Variants in CADPS2 observed in about 807,000 individuals in gnomAD.
CADPS2 encodes the protein calcium dependent secretion activator 2.
A neutral mutation model predicts 172.5 loss-of-function variants in CADPS2; 93 were observed. The ratio of observed to expected loss-of-function variants is 0.54; its 90% CI spans 0.46 to 0.64. CADPS2 has a LOEUF of 0.64. CADPS2 is among the 30% of genes least tolerant of loss of function. The pLI is 0.00. For missense variants in CADPS2, 1,420 were observed against 1,565.9 expected (o/e 0.91, Z 1.57); for synonymous variants, 546 against 555.2 (o/e 0.98, Z 0.23).
intron 8 of CADPS2, among the ~76,000 whole-genome samples, chr7:122,521,944 T>C (rs979986581): frequency 1.3e-5 from 2 of 152,116 alleles, no homozygotes; most frequent in African/African-American, 4.8e-5. Flanking sequence ...TAAGACAGTA[T>C]AAAACTATAC....
chr7:122,430,711 T>C (rs2049798037), intron 17 of CADPS2, among the ~76,000 whole-genome samples: 1 of 152,236 alleles, frequency 6.6e-6, no homozygotes, highest in Non-Finnish European at 1.5e-5. Context: ...AGCTGCTTTC[T>C]AGAAATGTCC....
intron 3 of CADPS2, among the ~76,000 whole-genome samples, chr7:122,656,353 C>A (rs1024548762): frequency 6.6e-6 from 1 of 152,118 alleles, no homozygotes; most frequent in African/African-American, 2.4e-5. Context: ...GAGGGAAACA[C>A]TGAAAACTTA....
At chr7:122,656,936 T>G (rs892283147) in intron 3 of CADPS2, among the ~76,000 whole-genome samples, 2 of 152,150 alleles carry the variant, frequency 1.3e-5, no homozygotes, top group Non-Finnish European at 2.9e-5. Context: ...GTTTTTATGG[T>G]TTTAGGTCTA....
At chr7:122,477,402 G>C (rs2056820195) in intron 12 of CADPS2, among the ~76,000 whole-genome samples, 1 of 152,036 alleles carries the variant, frequency 6.6e-6, no homozygotes, top group Non-Finnish European at 1.5e-5. Context: ...TGTAATCCCA[G>C]CTACTTGGGA....
intron 7 of CADPS2, among the ~76,000 whole-genome samples, chr7:122,569,054 G>T (rs1225383351): frequency 6.6e-6 from 1 of 152,068 alleles, no homozygotes; most frequent in Non-Finnish European, 1.5e-5. Context: ...GAGAAAGAAA[G>T]AAAGTGTATC....
intron 8 of CADPS2, among the ~76,000 whole-genome samples, chr7:122,547,621 C>T (rs1254303464): frequency 6.6e-6 from 1 of 152,112 alleles, no homozygotes; most frequent in Non-Finnish European, 1.5e-5. Context: ...TATTCTATGG[C>T]AATCAAATTT....
At chr7:122,586,803 T>G (rs575728847) in intron 6 of CADPS2, among the ~76,000 whole-genome samples, 21 of 152,022 alleles carry the variant, frequency 1.4e-4, no homozygotes, top group Non-Finnish European at 2.4e-4. Context: ...CTAAAGAATC[T>G]ATTTCCTTTA....
intron 3 of CADPS2, among the ~76,000 whole-genome samples, chr7:122,651,681 G>A (rs2079161294): frequency 6.6e-6 from 1 of 152,142 alleles, no homozygotes; most frequent in African/African-American, 2.4e-5. Context: ...ACTTTGCTTT[G>A]ACACTCGGGT....
At chr7:122,553,646 C>T (rs1034551973) in intron 8 of CADPS2, among the ~76,000 whole-genome samples, 1 of 152,052 alleles carries the variant, frequency 6.6e-6, no homozygotes, top group Non-Finnish European at 1.5e-5. Flanking sequence ...AAAGAATCCT[C>T]CTCATTTTTT....
At chr7:122,864,563 C>A (rs1817810723) in intron 1 of CADPS2, among the ~76,000 whole-genome samples, 2 of 152,080 alleles carry the variant, frequency 1.3e-5, no homozygotes, top group South Asian at 4.1e-4. Context: ...AAGTACCTTA[C>A]CTAGGGCTGG....
intron 28 of CADPS2, among the ~76,000 whole-genome samples, chr7:122,329,462 G>A (rs914238439): frequency 6.6e-6 from 1 of 152,080 alleles, no homozygotes; most frequent in African/African-American, 2.4e-5. Context: ...TCCCAGACTC[G>A]GCAATTTTCT....
At chr7:122,852,374 T>C (rs942958316) in intron 1 of CADPS2, among the ~76,000 whole-genome samples, 5 of 152,246 alleles carry the variant, frequency 3.3e-5, no homozygotes, top group Non-Finnish European at 7.3e-5. Context: ...TCATGCAGCT[T>C]ACATTTATGT....
chr7:122,580,326 G>A (rs1405395633), intron 7 of CADPS2, among the ~76,000 whole-genome samples: 1 of 151,878 alleles, frequency 6.6e-6, no homozygotes, highest in Non-Finnish European at 1.5e-5. Flanking sequence ...AAGGTGGTAT[G>A]TGCCTGTGGT....
At chr7:122,527,611 AGAGAGAGTGTGTGT>A (rs1417885481) in intron 8 of CADPS2, among the ~76,000 whole-genome samples, 3 of 110,734 alleles carry the variant, frequency 2.7e-5, no homozygotes, top group African/African-American at 1.0e-4. Flanking sequence ...AGAGAGAGAG[AGAGAGAGTGTGTGT>A]GTGTGTGTGT....
At chr7:122,465,515 T>C (rs2055019198) in intron 14 of CADPS2, among the ~76,000 whole-genome samples, 1 of 152,146 alleles carries the variant, frequency 6.6e-6, no homozygotes, top group South Asian at 2.1e-4. Context: ...CAGATCAGTG[T>C]CGGCATTAGG....
chr7:122,821,682 G>A (rs1052475040), intron 1 of CADPS2, among the ~76,000 whole-genome samples: 1 of 152,098 alleles, frequency 6.6e-6, no homozygotes, highest in Non-Finnish European at 1.5e-5. Flanking sequence ...AGTCAAATCA[G>A]CCAAGCAGTT....
intron 6 of CADPS2, among the ~76,000 whole-genome samples, chr7:122,597,535 A>G (rs1031955609): frequency 2.0e-5 from 3 of 152,108 alleles, no homozygotes; most frequent in East Asian, 3.9e-4. Flanking sequence ...TAATTATAGA[A>G]TACTCCACAC....
At chr7:122,351,077 T>C (rs2038486165) in intron 27 of CADPS2, among the ~76,000 whole-genome samples, 1 of 151,732 alleles carries the variant, frequency 6.6e-6, no homozygotes, top group Non-Finnish European at 1.5e-5. Context: ...ATCTCATTGT[T>C]ATTCCAGACT....
Position 122,470,288 on chromosome 7 carries a change from G to C in CADPS2, c.2186+1087C>G, listed in dbSNP as rs10236218. Among the ~76,000 whole-genome samples the C allele has an allele frequency of 4.0e-3, 615 of 152,114 alleles. 5 individuals carry two copies. Among genetic ancestry groups the C allele is most frequent in the African/African-American group, 0.014 (584 of 41,514 alleles). On this transcript the variant is annotated intron_variant, in intron 14 of 29. Coordinates refer to ENST00000449022, the MANE Select transcript of CADPS2 (RefSeq NM_017954.11). ...ATAAACAATGGAAATGTAAAAAAGA[G>C]AATGTTAAGGGGCACTATGGGAAGA...
Sources: gnomAD v4.1 joint callset for allele counts (sites outside exome capture counted in the v4.1 genomes callset) on GRCh38, gnomAD v4.1.1 for gene constraint, MANE v1.5 for transcripts, NCBI Gene and HGNC (gene_info 2026-07-23, HGNC 2026-07-21) for gene names.